IPO11: variants seen among roughly 807,000 people sequenced by gnomAD.
IPO11 encodes the protein importin-11.
IPO11 carries 66 observed loss-of-function variants against 143.2 expected under a neutral mutation model. That is an observed-to-expected ratio of 0.46 (90% CI 0.38 to 0.57). The LOEUF is 0.57. IPO11 is among the 20% of genes least tolerant of loss of function. IPO11 has a pLI of 0.00. For synonymous variants in IPO11, 385 were observed against 377.8 expected, an observed-to-expected ratio of 1.02 and a Z score of -0.22; for missense variants, 1,026 against 1,141.0, an observed-to-expected ratio of 0.90 and a Z score of 1.45.
At chr5:62,580,927 GA>G (rs1744531412) in intron 27 of IPO11, 3 of 1,550,588 alleles carry the variant, frequency 1.9e-6, no homozygotes, top group Non-Finnish European at 1.7e-6. Context: ...CTTGAACTTG[GA>G]AAAAAACAGT....
At chr5:62,514,908 A>C (rs1410227301) in intron 19 of IPO11, among the ~76,000 whole-genome samples, 5 of 151,128 alleles carry the variant, frequency 3.3e-5, no homozygotes, top group African/African-American at 1.2e-4. Flanking sequence ...CACCTTCATC[A>C]TTGCACTTCC....
At position 62,584,682 on chromosome 5, in the gene IPO11, A is replaced by ATTT. The variant is rs573914742; in HGVS notation, c.2583-6887_2583-6885dup. ...CAGCAATAGTAACAAGGTAATAGGCATTTTTTTTTTCTATACTAGTGCTGT... is the reference window on the plus strand; with the variant it reads ...CAGCAATAGTAACAAGGTAATAGGCATTTTTTTTTTTTTCTATACTAGTGCTGT... On this transcript the variant is annotated intron_variant, in intron 27 of 29. Transcript: ENST00000325324. Among the ~76,000 whole-genome samples the ATTT allele has an allele frequency of 2.8e-5, 4 of 142,510 alleles. No individual in the cohort carries two copies. The Admixed American group carries it at 2.8e-4, about 10-fold the overall frequency. The allele number at this position is 142,510 out of a possible 152,430, so 93.5% of individuals were successfully genotyped here.
rs1321296298 is a variant in IPO11, at chr5:62,419,212, A to G, written c.-7+6283A>G. The G allele has an allele frequency of 3.5e-6, 5 of 1,428,714 alleles. No individual in the cohort carries two copies. The African/African-American group carries it at 4.2e-5, about 12-fold the overall frequency. 88.5% of individuals were successfully genotyped at this position (1,428,714 alleles called of 1,614,324 possible). A position where few individuals can be genotyped will look rare whatever the true frequency, so the allele number is the denominator to read the frequency against. On this transcript the variant is annotated intron_variant, in intron 1 of 29. Transcript: ENST00000325324. ...TAGAAGTAAAAAATGGTACATCTGT[A>G]CAGGGCACTTACCTCGAATGGAGCT...
At chr5:62,525,122 A>C (rs1580283234) in intron 20 of IPO11, among the ~76,000 whole-genome samples, 1 of 152,170 alleles carries the variant, frequency 6.6e-6, no homozygotes, top group African/African-American at 2.4e-5. Context: ...TATGTTGAAA[A>C]GATAACAAAA....
Position 62,437,435 on chromosome 5 carries a change from T to G in IPO11, c.138+18T>G. The G allele has an allele frequency of 6.3e-7, 1 of 1,584,964 alleles. No homozygotes were observed. The highest frequency in any genetic ancestry group is 1.7e-4 in the Middle Eastern group (1 of 5,924). Reference sequence around the variant, plus strand: ...TGTTGCTGGTAAGTTGTTCTAAAATTGTTTGCTTTTCTTTTTAATAAAATG... The same window carrying G: ...TGTTGCTGGTAAGTTGTTCTAAAATGGTTTGCTTTTCTTTTTAATAAAATG... On this transcript the variant is annotated intron_variant, in intron 2 of 29. Transcript: ENST00000325324.
At chr5:62,551,117 T>C in intron 25 of IPO11, 106 bp from the exon 26 acceptor site, 1 of 605,986 alleles carries the variant, frequency 1.7e-6, no homozygotes. Flanking sequence ...AGAAGTAACA[T>C]GGAGGAGAAT....
chr5:62,456,625 A>C (rs1454198255), intron 5 of IPO11, among the ~76,000 whole-genome samples: 1 of 152,270 alleles, frequency 6.6e-6, no homozygotes, highest in South Asian at 2.1e-4. Flanking sequence ...CCCGGCCTGG[A>C]TATTAGGGAT....
chr5:62,537,170 A>T, intron 23 of IPO11, 39 bp from the exon 24 acceptor site: 1 of 1,192,724 alleles, frequency 8.4e-7, no homozygotes, highest in Non-Finnish European at 1.2e-6. Flanking sequence ...GATATTACAG[A>T]TATATTCTTA....
At chr5:62,508,083 A>G (rs529781404) in intron 19 of IPO11, among the ~76,000 whole-genome samples, 1 of 152,254 alleles carries the variant, frequency 6.6e-6, no homozygotes, top group African/African-American at 2.4e-5. Flanking sequence ...AATATGCCAA[A>G]TTTGACGTTT....
At chr5:62,608,593 G>A (rs1025999415) in intron 29 of IPO11, among the ~76,000 whole-genome samples, 1 of 152,078 alleles carries the variant, frequency 6.6e-6, no homozygotes, top group Admixed American at 6.6e-5. Context: ...TTACATGCTA[G>A]TCCTCCATCT....
Position 62,471,135 on chromosome 5 carries a change from C to CTT in IPO11, c.708+840_708+841dup, listed in dbSNP as rs376825469. On this transcript the variant is annotated intron_variant, in intron 7 of 29. Coordinates refer to ENST00000325324, the MANE Select transcript of IPO11 (RefSeq NM_016338.5). ...GGCCGTGCTTGGCCTAGTTGCATTT[C>CTT]TTTTTTTTTTTTTTAAAATAAATGA... Among the ~76,000 whole-genome samples the CTT allele has an allele frequency of 2.2e-3, 304 of 137,836 alleles. 1 individual carries two copies. The highest frequency in any genetic ancestry group is 2.9e-3 in the Non-Finnish European group (180 of 63,108). The allele number at this position is 137,836 out of a possible 152,430, so 90.4% of individuals were successfully genotyped here.
intron 1 of IPO11, among the ~76,000 whole-genome samples, chr5:62,426,013 A>G (rs767938608): frequency 3.3e-5 from 5 of 152,340 alleles, no homozygotes; most frequent in Admixed American, 6.5e-5. Context: ...CTGTTTGATT[A>G]TAAGACTCAG....
At chr5:62,430,273 G>A (rs922428565) in intron 1 of IPO11, among the ~76,000 whole-genome samples, 8 of 152,300 alleles carry the variant, frequency 5.3e-5, no homozygotes, top group South Asian at 2.1e-4. Flanking sequence ...CAAAGTCGCT[G>A]TTTTACATTT....
intron 1 of IPO11, among the ~76,000 whole-genome samples, chr5:62,414,936 A>G (rs909739874): frequency 1.3e-5 from 2 of 152,224 alleles, no homozygotes; most frequent in Non-Finnish European, 2.9e-5. Flanking sequence ...GCCTTGCATA[A>G]GGTCACACAT....
intron 5 of IPO11, among the ~76,000 whole-genome samples, chr5:62,453,304 C>T (rs1268282157): frequency 6.6e-6 from 1 of 151,136 alleles, no homozygotes; most frequent in Non-Finnish European, 1.5e-5. Flanking sequence ...AGACCTCCTT[C>T]TGACTTTTGC....
In IPO11 at chr5:62,549,261, C is replaced by A. The variant is rs1743315990; in HGVS notation, c.2251-1106C>A. 2.0e-5 allele frequency among the ~76,000 whole-genome samples: 3 copies of A among 152,034 alleles called. 1 individual carries two copies. In the South Asian group the frequency reaches 6.2e-4, roughly 32 times the overall value. On this transcript the variant is annotated intron_variant, in intron 24 of 29. Transcript: ENST00000325324. ...ACAGTATAGTGTTTATATTTTTAAT[C>A]TTTTATTTGGACCTTACCTTCACTT...
At chr5:62,429,270 T>A in intron 1 of IPO11, among the ~76,000 whole-genome samples, 1 of 152,190 alleles carries the variant, frequency 6.6e-6, no homozygotes, top group Admixed American at 6.5e-5. Context: ...ATGCAGCTTG[T>A]GGTTTTATGT....
At chr5:62,481,111 G>C (rs1046277568) in intron 9 of IPO11, among the ~76,000 whole-genome samples, 2 of 151,636 alleles carry the variant, frequency 1.3e-5, no homozygotes, top group African/African-American at 4.8e-5. Context: ...GTAGAGACAG[G>C]GTTTCACCGT....
At chr5:62,427,650 G>A (rs1243183359) in intron 1 of IPO11, among the ~76,000 whole-genome samples, 2 of 152,200 alleles carry the variant, frequency 1.3e-5, no homozygotes, top group Non-Finnish European at 2.9e-5. Context: ...ACATGCAAAG[G>A]ATCTAGGTTG....
Sources: gnomAD v4.1 joint callset for allele counts (sites outside exome capture counted in the v4.1 genomes callset) on GRCh38, gnomAD v4.1.1 for gene constraint, MANE v1.5 for transcripts, NCBI Gene and HGNC (gene_info 2026-07-23, HGNC 2026-07-21) for gene names.